CCDC32: variants seen among roughly 807,000 people sequenced by gnomAD.
The protein encoded by CCDC32 is coiled-coil domain-containing protein 32.
Under a neutral mutation model 20.1 loss-of-function variants are expected in CCDC32, and 9 were observed. The ratio of observed to expected loss-of-function variants is 0.45; its 90% CI spans 0.27 to 0.78. The LOEUF is 0.78. CCDC32 is among the 30% of genes least tolerant of loss of function. The probability of loss-of-function intolerance (pLI) is 0.16; values close to 1 mark genes in which losing one functional copy is unlikely to be tolerated. For missense variants in CCDC32, 204 were observed against 215.5 expected (o/e 0.95, Z 0.33); for synonymous variants, 63 against 79.0 (o/e 0.80, Z 1.07).
At chr15:40,532,306 G>A (rs768749972), downstream of CCDC32, 1 of 702,894 alleles carries the variant, frequency 1.4e-6, no homozygotes, top group East Asian at 2.7e-5. Context: ...TAGTCACCTG[G>A]AAAAGAAGAG....
downstream of CCDC32, among the ~76,000 whole-genome samples, chr15:40,526,902 T>C (rs576260628): frequency 9.8e-5 from 15 of 152,306 alleles, no homozygotes; most frequent in African/African-American, 3.4e-4. Flanking sequence ...AGACTCTGAC[T>C]CATAAAAATA....
Position 40,557,441 on chromosome 15 carries a change from C to G in CCDC32, c.245-69G>C, listed in dbSNP as rs1890323987. 4.7e-6 allele frequency: 7 copies of G among 1,490,436 alleles called. No homozygotes were observed. The South Asian group carries it at 6.6e-5, about 14-fold the overall frequency. 92.3% of individuals were successfully genotyped at this position (1,490,436 alleles called of 1,614,324 possible). Reference sequence around the variant, plus strand: ...TGAAATTTTAACTAAATCTAAAACTCAAAATACTAACTTAAAAAATCTCTC... The same window carrying G: ...TGAAATTTTAACTAAATCTAAAACTGAAAATACTAACTTAAAAAATCTCTC... On this transcript the variant is annotated intron_variant, in intron 2 of 3. Coordinates refer to ENST00000416810, the MANE Select transcript of CCDC32 (RefSeq NM_001080792.4).
intron 3 of CCDC32, among the ~76,000 whole-genome samples, chr15:40,540,240 A>G (rs1349244164): frequency 5.3e-5 from 8 of 152,216 alleles, no homozygotes; most frequent in Non-Finnish European, 1.2e-4. Context: ...AGTGCCTGGC[A>G]GGGAACACTG....
downstream of CCDC32, among the ~76,000 whole-genome samples, chr15:40,532,904 C>T (rs890891004): frequency 1.3e-5 from 2 of 151,744 alleles, no homozygotes; most frequent in Non-Finnish European, 2.9e-5. Flanking sequence ...GGGGTTTCAC[C>T]ATGTTGCCCA....
chr15:40,525,239 G>A (rs560151312), downstream of CCDC32, among the ~76,000 whole-genome samples: 31 of 151,994 alleles, frequency 2.0e-4, no homozygotes, highest in Non-Finnish European at 1.6e-4. Context: ...CATCTTGGCC[G>A]GGCTGGTCTC....
intron 3 of CCDC32, among the ~76,000 whole-genome samples, chr15:40,546,481 G>A (rs556407599): frequency 7.0e-4 from 107 of 151,908 alleles, no homozygotes; most frequent in Non-Finnish European, 1.3e-3. Flanking sequence ...GAGCCACCAC[G>A]TCCAGCCCCA....
At chr15:40,530,732 T>A (rs906153059), downstream of CCDC32, among the ~76,000 whole-genome samples, 2 of 151,052 alleles carry the variant, frequency 1.3e-5, no homozygotes, top group Non-Finnish European at 3.0e-5. Flanking sequence ...CTTTTTTTTT[T>A]TTTTGAGACA....
downstream of CCDC32, among the ~76,000 whole-genome samples, chr15:40,533,041 TGTTGGTG>T (rs1417096695): frequency 6.6e-6 from 1 of 152,142 alleles, no homozygotes; most frequent in Non-Finnish European, 1.5e-5. Context: ...TCTATTCTCC[TGTTGGTG>T]GACATGTAAG....
downstream of CCDC32, chr15:40,553,000 G>T: frequency 1.8e-6 from 1 of 541,144 alleles, no homozygotes; most frequent in Non-Finnish European, 2.4e-6. Context: ...TGGCAAAGTG[G>T]CCAGCTCCCA....
At chr15:40,522,828 C>CTTTTTTT in the CCDC32 span, among the ~76,000 whole-genome samples, 3 of 131,186 alleles carry the variant, frequency 2.3e-5, no homozygotes, top group Non-Finnish European at 3.2e-5. Flanking sequence ...GTTTTCCTTT[C>CTTTTTTT]TTTTTTTTTT....
At chr15:40,557,002 C>T in intron 3 of CCDC32, 1 of 490,608 alleles carries the variant, frequency 2.0e-6, no homozygotes, top group Non-Finnish European at 3.5e-6. Flanking sequence ...ACATGAGAGA[C>T]TGATTAGTTA....
At chr15:40,561,472 CA>C (rs1222248827) in intron 2 of CCDC32, among the ~76,000 whole-genome samples, 16 of 97,664 alleles carry the variant, frequency 1.6e-4, no homozygotes, top group African/African-American at 2.5e-4. Context: ...GACTCCGTCT[CA>C]AAAAAAAAAA....
chr15:40,560,916 C>T (rs184807987), intron 2 of CCDC32, among the ~76,000 whole-genome samples: 43 of 152,264 alleles, frequency 2.8e-4, no homozygotes, highest in East Asian at 1.2e-3. Context: ...GATACCTGCA[C>T]GCATGTTTCA....
chr15:40,549,694 C>G (rs1889762818), downstream of CCDC32, among the ~76,000 whole-genome samples: 1 of 152,230 alleles, frequency 6.6e-6, no homozygotes, highest in Non-Finnish European at 1.5e-5. Flanking sequence ...ATGAATGAAT[C>G]TCTGCCTTAA....
intron 3 of CCDC32, among the ~76,000 whole-genome samples, chr15:40,546,926 C>G (rs548244230): frequency 6.6e-6 from 1 of 152,246 alleles, no homozygotes; most frequent in South Asian, 2.1e-4. Context: ...TGGTCTGAAA[C>G]TCCTGACCTC....
downstream of CCDC32, chr15:40,535,223 A>C (rs1027240931): frequency 7.1e-7 from 1 of 1,415,236 alleles, no homozygotes; most frequent in African/African-American, 1.4e-5. Context: ...GAGGCCACTT[A>C]GGAGACTTCT....
chr15:40,551,549 G>T (rs903871015), downstream of CCDC32, among the ~76,000 whole-genome samples: 1 of 151,980 alleles, frequency 6.6e-6, no homozygotes, highest in Non-Finnish European at 1.5e-5. Context: ...TGTGTCACAC[G>T]TATCCTGCCA....
At chr15:40,560,882 G>A (rs1890574454) in intron 2 of CCDC32, among the ~76,000 whole-genome samples, 1 of 152,044 alleles carries the variant, frequency 6.6e-6, no homozygotes, top group Non-Finnish European at 1.5e-5. Flanking sequence ...TTACCCAAAG[G>A]AAAAGAAGTC....
At chr15:40,554,260 A>G (rs1890086115) in intron 3 of CCDC32, 133 bp from the exon 4 acceptor site, 1 of 1,287,020 alleles carries the variant, frequency 7.8e-7, no homozygotes, top group Admixed American at 2.6e-5. Context: ...TTCACTGCTA[A>G]ACTGGGAAGT....
Sources: gnomAD v4.1 joint callset for allele counts (sites outside exome capture counted in the v4.1 genomes callset) on GRCh38, gnomAD v4.1.1 for gene constraint, MANE v1.5 for transcripts, NCBI Gene and HGNC (gene_info 2026-07-23, HGNC 2026-07-21) for gene names.